The following CTNNA3 variants were observed in gnomAD, a reference collection of about 807,000 sequenced individuals.
The protein encoded by CTNNA3 is catenin alpha 3.
A neutral mutation model predicts 95.7 loss-of-function variants in CTNNA3; 76 were observed. The observed-to-expected ratio is 0.79, with a 90% confidence interval of 0.66 to 0.96. The LOEUF (loss-of-function observed/expected upper bound fraction) is 0.96, where lower values mean the gene tolerates loss of function less well. Among genes scored for constraint, CTNNA3 ranks in the 40% least tolerant of loss-of-function variants. The pLI is 0.00. For missense variants in CTNNA3, 1,191 were observed against 1,089.8 expected, an observed-to-expected ratio of 1.09 and a Z score of -1.31; for synonymous variants, 431 against 374.4, an observed-to-expected ratio of 1.15 and a Z score of -1.74.
At position 66,239,092 on chromosome 10, in the gene CTNNA3, G is replaced by T. The variant is rs558334192; in HGVS notation, c.1884+41378C>A. Among the ~76,000 whole-genome samples the T allele has an allele frequency of 2.1e-3, 312 of 151,768 alleles. 2 individuals carry two copies. The highest frequency in any genetic ancestry group is 7.3e-3 in the African/African-American group (304 of 41,482). ...AGAGTTAAGCAATGGCAAAGGAAAA[G>T]AAATAAGAACTATAATATATTTATA... is the stretch of plus-strand genomic sequence containing the variant. On this transcript the variant is annotated intron_variant, in intron 13 of 17. Coordinates refer to ENST00000433211, the MANE Select transcript of CTNNA3 (RefSeq NM_013266.4).
intron 7 of CTNNA3, among the ~76,000 whole-genome samples, chr10:66,835,269 C>G (rs997184273): frequency 6.6e-6 from 1 of 152,084 alleles, no homozygotes; most frequent in Non-Finnish European, 1.5e-5. Context: ...GAATTCACAC[C>G]AAAGCAGATA....
At chr10:65,991,965 T>A (rs1472657970) in intron 15 of CTNNA3, among the ~76,000 whole-genome samples, 1 of 152,128 alleles carries the variant, frequency 6.6e-6, no homozygotes. Flanking sequence ...TGAAAAGATC[T>A]TGAATTTTAT....
intron 8 of CTNNA3, among the ~76,000 whole-genome samples, chr10:66,772,441 AAG>A (rs10604512): frequency 0.79 from 111,229 of 141,194 alleles, 43,555 homozygotes; most frequent in African/African-American, 0.89. Flanking sequence ...AAAAAAAAAA[AAG>A]AGAGAGAGAG....
At chr10:66,330,932 T>C (rs901967699) in intron 12 of CTNNA3, among the ~76,000 whole-genome samples, 1 of 152,042 alleles carries the variant, frequency 6.6e-6, no homozygotes, top group African/African-American at 2.4e-5. Context: ...GTTTTTTGCT[T>C]GTAAATTTGA....
Position 66,454,367 on chromosome 10 carries a change from A to G in CTNNA3, c.1531+66250T>C, listed in dbSNP as rs566659582. On this transcript the variant is annotated intron_variant, in intron 11 of 17. Transcript: ENST00000433211. ...AGCAAGATTGTCAAAGAAAAAAAGG[A>G]GAAAGCCAAATTACAATAATATGAA... Among the ~76,000 whole-genome samples, 96 of 152,318 alleles carry G rather than the reference A, an allele frequency of 6.3e-4. 1 individual carries two copies. The highest frequency in any genetic ancestry group is 2.2e-3 in the African/African-American group (93 of 41,580).
chr10:66,590,635 T>C (rs1843517547), intron 10 of CTNNA3, among the ~76,000 whole-genome samples: 1 of 152,154 alleles, frequency 6.6e-6, no homozygotes, highest in Admixed American at 6.6e-5. Context: ...ATTTCATTTA[T>C]TAAAATTGCT....
intron 13 of CTNNA3, among the ~76,000 whole-genome samples, chr10:66,113,722 T>A (rs7897398): frequency 0.41 from 62,405 of 152,068 alleles, 13,388 homozygotes; most frequent in African/African-American, 0.52. Flanking sequence ...GAAAACTTTG[T>A]ATTGTCAGCA....
intron 6 of CTNNA3, among the ~76,000 whole-genome samples, chr10:67,199,119 C>T (rs7918811): frequency 0.36 from 54,319 of 151,694 alleles, 13,652 homozygotes; most frequent in African/African-American, 0.72. Context: ...AGAGGAGGAA[C>T]TGGGAAAAGA....
intron 1 of CTNNA3, among the ~76,000 whole-genome samples, chr10:67,708,788 T>C (rs1246583010): frequency 6.6e-6 from 1 of 152,170 alleles, no homozygotes; most frequent in African/African-American, 2.4e-5. Flanking sequence ...TAGAGTTTTA[T>C]TGTTTCTTAA....
In CTNNA3 at chr10:66,405,865, T is replaced by C. The variant is rs1201695953; in HGVS notation, c.1532-26513A>G. Among the ~76,000 whole-genome samples, 8 of 152,178 alleles carry C rather than the reference T, an allele frequency of 5.3e-5. No individual in the cohort carries two copies. In the South Asian group the frequency reaches 1.7e-3, roughly 32 times the overall value. On this transcript the variant is annotated intron_variant, in intron 11 of 17. Transcript: ENST00000433211. ...TCCAAGTCTACTCCCTTGGACAGAATATCAGTAACAGGATTTGCCACATCT... is the reference window on the plus strand; with the variant it reads ...TCCAAGTCTACTCCCTTGGACAGAACATCAGTAACAGGATTTGCCACATCT...
intron 12 of CTNNA3, among the ~76,000 whole-genome samples, chr10:66,354,561 T>A (rs1236976133): frequency 6.6e-6 from 1 of 152,036 alleles, no homozygotes; most frequent in Non-Finnish European, 1.5e-5. Flanking sequence ...AACAAAATAT[T>A]TAGAAGTAGT....
chr10:66,546,940 G>A (rs1421238803), intron 10 of CTNNA3, among the ~76,000 whole-genome samples: 1 of 152,074 alleles, frequency 6.6e-6, no homozygotes, highest in East Asian at 1.9e-4. Flanking sequence ...AGATTATACT[G>A]CAATAACAAA....
intron 7 of CTNNA3, among the ~76,000 whole-genome samples, chr10:67,058,015 A>C (rs1855543829): frequency 1.3e-5 from 2 of 152,162 alleles, no homozygotes; most frequent in Admixed American, 1.3e-4. Context: ...AAAGTTCCCC[A>C]CATCATAGAC....
intron 7 of CTNNA3, chr10:67,097,737 G>T (rs751117205): frequency 1.2e-6 from 2 of 1,612,590 alleles, no homozygotes; most frequent in Non-Finnish European, 1.7e-6. Context: ...GACTGAGCTG[G>T]ACCTGAGCAC....
intron 7 of CTNNA3, among the ~76,000 whole-genome samples, chr10:67,047,604 T>C (rs148476275): frequency 1.2e-4 from 19 of 152,268 alleles, no homozygotes; most frequent in African/African-American, 4.3e-4. Flanking sequence ...GGCTCTCGTA[T>C]AGGCAATAAA....
At chr10:66,772,269 C>T (rs4620605) in intron 8 of CTNNA3, among the ~76,000 whole-genome samples, 128,677 of 151,422 alleles carry the variant, frequency 0.85, 54,959 homozygotes, top group East Asian at 1. Context: ...ACTAAAAATA[C>T]AAAAAAGTAG....
At chr10:66,284,295 C>T (rs927190977) in intron 12 of CTNNA3, among the ~76,000 whole-genome samples, 6 of 152,040 alleles carry the variant, frequency 3.9e-5, no homozygotes, top group South Asian at 4.2e-4. Flanking sequence ...ATAATCCTCA[C>T]GGAAGCCCTG....
At chr10:67,264,627 CAAATTTTAG>C (rs965718486) in intron 5 of CTNNA3, among the ~76,000 whole-genome samples, 1 of 152,128 alleles carries the variant, frequency 6.6e-6, no homozygotes, top group African/African-American at 2.4e-5. Context: ...CTCTATTCTG[CAAATTTTAG>C]ATTTAGATTC....
intron 12 of CTNNA3, among the ~76,000 whole-genome samples, chr10:66,336,782 C>G (rs928228433): frequency 6.6e-6 from 1 of 152,068 alleles, no homozygotes; most frequent in African/African-American, 2.4e-5. Flanking sequence ...TTGAAAAATT[C>G]TCTCATAGCT....
Sources: gnomAD v4.1 joint callset for allele counts (sites outside exome capture counted in the v4.1 genomes callset) on GRCh38, gnomAD v4.1.1 for gene constraint, MANE v1.5 for transcripts, NCBI Gene and HGNC (gene_info 2026-07-23, HGNC 2026-07-21) for gene names.